The following ABLIM1 variants were observed in gnomAD, a reference collection of about 807,000 sequenced individuals.
ABLIM1 encodes the protein actin-binding LIM protein 1.
Under a neutral mutation model 107.0 loss-of-function variants are expected in ABLIM1, and 40 were observed. The observed-to-expected ratio is 0.37, with a 90% CI of 0.29 to 0.49. The LOEUF is 0.49. ABLIM1 is among the 20% of genes least tolerant of loss of function. The pLI is 0.97. For missense variants in ABLIM1, 857 were observed against 1,008.5 expected (o/e 0.85, Z 2.04); for synonymous variants, 357 against 357.3 (o/e 1.00, Z 0.01).
intron 1 of ABLIM1, among the ~76,000 whole-genome samples, chr10:114,655,944 C>A (rs1287745827): frequency 6.6e-6 from 1 of 152,136 alleles, no homozygotes; most frequent in East Asian, 1.9e-4. Flanking sequence ...CAGTGAGATA[C>A]CGCTTCACAC....
chr10:114,431,498 T>A lies in ABLIM1; in HGVS notation c.*4762A>T, dbSNP rs1003694016. 2.0e-5 allele frequency: 3 copies of A among 152,206 alleles called. No individual in the cohort carries two copies. Among genetic ancestry groups the A allele is most frequent in the Non-Finnish European group, 2.9e-5 (2 of 68,032 alleles). 9.4% of individuals were successfully genotyped at this position (152,206 alleles called of 1,614,324 possible). ...GCTTCAATGCGGAGTCATCAGCAACTCGCAGGAACCACACACATGATTGGA... is the reference window on the plus strand; with the variant it reads ...GCTTCAATGCGGAGTCATCAGCAACACGCAGGAACCACACACATGATTGGA... On this transcript the variant is annotated 3_prime_UTR_variant, in exon 23 of 23. Transcript: ENST00000533213.
At chr10:114,799,872 C>T in the ABLIM1 span, among the ~76,000 whole-genome samples, 2 of 152,074 alleles carry the variant, frequency 1.3e-5, no homozygotes, top group Admixed American at 6.6e-5. Flanking sequence ...GCTTCCCAGG[C>T]TCAAGTGATT....
At chr10:114,587,265 G>A (rs1485723731) in intron 2 of ABLIM1, among the ~76,000 whole-genome samples, 1 of 152,194 alleles carries the variant, frequency 6.6e-6, no homozygotes, top group African/African-American at 2.4e-5. Flanking sequence ...GAAAATTACA[G>A]ATAGAGGAGC....
chr10:114,516,136 T>TTTTAAACATTG (rs1449138024), intron 6 of ABLIM1, among the ~76,000 whole-genome samples: 4 of 151,826 alleles, frequency 2.6e-5, no homozygotes, highest in Non-Finnish European at 4.4e-5. Context: ...AAGGTATCAA[T>TTTTAAACATTG]TTTAAACATT....
upstream of ABLIM1, chr10:114,768,109 G>C (rs2082950323): frequency 2.4e-6 from 1 of 420,172 alleles, no homozygotes; most frequent in African/African-American, 2.2e-5. Context: ...GGAAGGCGTT[G>C]GACAGCCCCG....
chr10:114,682,006 G>A (rs1028567277), intron 1 of ABLIM1, among the ~76,000 whole-genome samples: 5 of 152,104 alleles, frequency 3.3e-5, no homozygotes, highest in African/African-American at 9.7e-5. Flanking sequence ...AGTGCTAATC[G>A]GCACGATGCA....
chr10:114,630,434 C>G (rs1438210349), intron 1 of ABLIM1, among the ~76,000 whole-genome samples: 2 of 152,166 alleles, frequency 1.3e-5, no homozygotes, highest in Admixed American at 1.3e-4. Context: ...TTTATTCACA[C>G]CGAATCATTT....
chr10:114,618,116 C>G (rs1328868045), intron 1 of ABLIM1, among the ~76,000 whole-genome samples: 1 of 152,178 alleles, frequency 6.6e-6, no homozygotes, highest in Non-Finnish European at 1.5e-5. Context: ...TACTGACATC[C>G]TGTTTCTGCA....
chr10:114,459,181 G>C (rs558060474), intron 12 of ABLIM1, among the ~76,000 whole-genome samples: 2 of 152,210 alleles, frequency 1.3e-5, no homozygotes, highest in African/African-American at 4.8e-5. Flanking sequence ...GGCAAAGGGC[G>C]CCCCCTGCCT....
At chr10:114,679,195 T>G (rs1200996628) in intron 1 of ABLIM1, among the ~76,000 whole-genome samples, 1 of 152,170 alleles carries the variant, frequency 6.6e-6, no homozygotes, top group East Asian at 1.9e-4. Flanking sequence ...GAAAGCAGCA[T>G]GACACCAACC....
chr10:114,783,899 A>G, the ABLIM1 span, among the ~76,000 whole-genome samples: 47 of 152,234 alleles, frequency 3.1e-4, 1 homozygote, highest in South Asian at 9.7e-3. Flanking sequence ...GAGAGGGAGC[A>G]TAAAATAAAG....
chr10:114,721,059 C>T (rs183193812), intron 1 of ABLIM1, among the ~76,000 whole-genome samples: 6 of 152,332 alleles, frequency 3.9e-5, no homozygotes, highest in South Asian at 4.1e-4. Flanking sequence ...ACTACATAAA[C>T]GCCTGACCTG....
intron 6 of ABLIM1, among the ~76,000 whole-genome samples, chr10:114,513,024 C>T (rs1325519100): frequency 6.6e-6 from 1 of 152,114 alleles, no homozygotes; most frequent in African/African-American, 2.4e-5. Flanking sequence ...GTCAAGAAGA[C>T]AGTCACCTGT....
At chr10:114,450,041 C>A in intron 14 of ABLIM1, 1 of 336,092 alleles carries the variant, frequency 3.0e-6, no homozygotes, top group South Asian at 2.6e-5. Flanking sequence ...AGAGGAGGAC[C>A]TAAAGATAGT....
intron 1 of ABLIM1, among the ~76,000 whole-genome samples, chr10:114,665,689 T>A (rs1347909365): frequency 6.6e-6 from 1 of 152,232 alleles, no homozygotes; most frequent in African/African-American, 2.4e-5. Flanking sequence ...CATTTCACAC[T>A]GATTCAATAT....
chr10:114,618,473 C>T (rs1047645318), intron 1 of ABLIM1, among the ~76,000 whole-genome samples: 1 of 152,120 alleles, frequency 6.6e-6, no homozygotes, highest in Admixed American at 6.5e-5. Flanking sequence ...TGAAAAAAAC[C>T]CTGACTCTGA....
chr10:114,438,029 T>G, intron 21 of ABLIM1, 105 bp from the exon 22 acceptor site: 1 of 1,090,268 alleles, frequency 9.2e-7, no homozygotes, highest in South Asian at 1.4e-5. Context: ...TCCAAGAGAC[T>G]GTCATGACAG....
chr10:114,470,194 G>A (rs1029869835), intron 10 of ABLIM1, among the ~76,000 whole-genome samples: 3 of 152,142 alleles, frequency 2.0e-5, no homozygotes, highest in Non-Finnish European at 2.9e-5. Flanking sequence ...AGGCCAAGGC[G>A]GGTGGATCAC....
chr10:114,726,436 A>T (rs1009666630), intron 1 of ABLIM1, among the ~76,000 whole-genome samples: 9 of 152,080 alleles, frequency 5.9e-5, no homozygotes, highest in African/African-American at 2.2e-4. Flanking sequence ...TATAAGGCAA[A>T]GGGGGAAGGA....
Sources: gnomAD v4.1 joint callset for allele counts (sites outside exome capture counted in the v4.1 genomes callset) on GRCh38, gnomAD v4.1.1 for gene constraint, MANE v1.5 for transcripts, NCBI Gene and HGNC (gene_info 2026-07-23, HGNC 2026-07-21) for gene names.